RADX: variants seen among roughly 807,000 people sequenced by gnomAD.
RADX encodes RPA1 related single stranded DNA binding protein, X-linked.
Under a neutral mutation model 61.6 loss-of-function variants are expected in RADX, and 36 were observed. The ratio of observed to expected loss-of-function variants is 0.58; its 90% CI spans 0.45 to 0.77. RADX has a LOEUF of 0.77. RADX is among the 30% of genes least tolerant of loss of function. RADX has a pLI of 0.00. For synonymous variants in RADX, 272 were observed against 237.9 expected, an observed-to-expected ratio of 1.14 and a Z score of -1.32; for missense variants, 497 against 651.1, an observed-to-expected ratio of 0.76 and a Z score of 2.58.
intron 1 of RADX, among the ~76,000 whole-genome samples, chrX:106,617,009 T>G (rs1486880305): frequency 1.9e-5 from 2 of 104,773 alleles, no homozygotes; most frequent in African/African-American, 7.1e-5. Flanking sequence ...TTGTTTTTTT[T>G]GTGTGTGTGG....
At chrX:106,639,872 G>A (rs1341261625) in intron 9 of RADX, 185 bp downstream of exon 9, 11 of 272,347 alleles carry the variant, frequency 4.0e-5, no homozygotes, top group Non-Finnish European at 5.8e-5. Context: ...GGCAAAAACC[G>A]CAATTCCTTT....
chrX:106,616,208 C>T (rs1229919492), intron 1 of RADX, among the ~76,000 whole-genome samples: 1 of 111,281 alleles, frequency 9.0e-6, no homozygotes, highest in Non-Finnish European at 1.9e-5. Context: ...ACTCATTTCA[C>T]CTAGATCTCA....
intron 13 of RADX, among the ~76,000 whole-genome samples, chrX:106,669,918 G>A (rs1006669000): frequency 2.7e-5 from 3 of 111,594 alleles, no homozygotes; most frequent in Non-Finnish European, 5.7e-5. Flanking sequence ...CCCCATTCAC[G>A]TTTTTCTGTT....
At chrX:106,619,508 G>C (rs1399066230) in intron 1 of RADX, among the ~76,000 whole-genome samples, 1 of 111,754 alleles carries the variant, frequency 8.9e-6, no homozygotes, top group African/African-American at 3.2e-5. Flanking sequence ...TATAGCTCAG[G>C]GAAAGAGCTG....
chrX:106,626,252 C>T (rs1927072313), intron 3 of RADX, among the ~76,000 whole-genome samples: 1 of 111,935 alleles, frequency 8.9e-6, no homozygotes, highest in Non-Finnish European at 1.9e-5. Flanking sequence ...AATTCCCCAG[C>T]TAATCCATTA....
intron 6 of RADX, among the ~76,000 whole-genome samples, chrX:106,636,125 C>T (rs1351137575): frequency 9.0e-6 from 1 of 111,692 alleles, no homozygotes; most frequent in African/African-American, 3.2e-5. Flanking sequence ...GTGGAAGTAT[C>T]ATGGAGAAAC....
chrX:106,663,706 A>C (rs1928160396), intron 12 of RADX, among the ~76,000 whole-genome samples: 1 of 111,839 alleles, frequency 8.9e-6, no homozygotes, highest in African/African-American at 3.2e-5. Flanking sequence ...TACATATTGC[A>C]TGCCTATATC....
intron 12 of RADX, among the ~76,000 whole-genome samples, chrX:106,664,472 T>C (rs1046354086): frequency 8.9e-6 from 1 of 112,002 alleles, no homozygotes; most frequent in Non-Finnish European, 1.9e-5. Context: ...TGTAGTTTTT[T>C]TAAAAAGTTA....
intron 11 of RADX, among the ~76,000 whole-genome samples, chrX:106,660,933 A>G (rs914527592): frequency 9.0e-6 from 1 of 111,713 alleles, no homozygotes; most frequent in Admixed American, 9.5e-5. Context: ...GAAACCTACA[A>G]TCATGCCAGG....
Position 106,662,056 on chromosome X carries a change from A to G in RADX, c.2020A>G (p.Lys674Glu). 1 of 1,210,994 alleles carries G rather than the reference A, an allele frequency of 8.3e-7. No homozygotes were observed. The highest frequency in any genetic ancestry group is 1.1e-6 in the Non-Finnish European group (1 of 895,031). The change falls in exon 12 of 14, where the codon AAA (lysine) becomes GAA (glutamate). Residue 674 changes from lysine (K) to glutamate (E), a missense_variant. Coordinates refer to ENST00000372548, the MANE Select transcript of RADX (RefSeq NM_018015.6). ...INANLQGKAR[K>E]TISDRWESQL... ...TGCTAATCTGCAAGGGAAAGCCAGA[A>G]AAACTATAAGTGATAGGTGGGAGAG...
chrX:106,662,385 C>A, intron 12 of RADX, 80 bp downstream of exon 12: 1 of 930,204 alleles, frequency 1.1e-6, no homozygotes, highest in Non-Finnish European at 1.5e-6. Flanking sequence ...AAAATTTAAG[C>A]CCCTCCCACA....
intron 1 of RADX, among the ~76,000 whole-genome samples, chrX:106,619,623 A>G (rs1926895119): frequency 9.0e-6 from 1 of 111,558 alleles, no homozygotes; most frequent in Admixed American, 9.5e-5. Flanking sequence ...ACGGTTAAGG[A>G]CCTAGTTTGG....
intron 1 of RADX, among the ~76,000 whole-genome samples, chrX:106,616,746 T>TA (rs1182834653): frequency 7.2e-5 from 8 of 111,192 alleles, no homozygotes; most frequent in Non-Finnish European, 1.1e-4. Context: ...TCAAATCCAT[T>TA]AAAAAAATGA....
At chrX:106,619,685 T>C (rs1389347429) in intron 1 of RADX, among the ~76,000 whole-genome samples, 1 of 112,013 alleles carries the variant, frequency 8.9e-6, no homozygotes, top group East Asian at 2.8e-4. Flanking sequence ...TTCTAAGAAA[T>C]TATCTATTTC....
At position 106,622,300 on chromosome X, in the gene RADX, GT is replaced by G. The variant is rs1205076517; in HGVS notation, c.644-341del. On this transcript the variant is annotated intron_variant, in intron 1 of 13. Coordinates refer to ENST00000372548, the MANE Select transcript of RADX (RefSeq NM_018015.6). Reference sequence around the variant, plus strand: ...GGGAAAAATATTCCATGACATTGAGGTTTTTTTTTTCACAAAATATCTTAAG... The same window carrying G: ...GGGAAAAATATTCCATGACATTGAGGTTTTTTTTTCACAAAATATCTTAAG... Among the ~76,000 whole-genome samples the G allele has an allele frequency of 6.0e-3, 633 of 105,690 alleles. 4 individuals are homozygous for G. Among genetic ancestry groups the G allele is most frequent in the African/African-American group, 0.021 (596 of 29,060 alleles). The allele number at this position is 105,690 out of a possible 115,157, so 91.8% of individuals were successfully genotyped here. A position where few individuals can be genotyped will look rare whatever the true frequency, so the allele number is the denominator to read the frequency against.
At chrX:106,613,396 G>A (rs1404605559) in intron 1 of RADX, among the ~76,000 whole-genome samples, 3 of 111,585 alleles carry the variant, frequency 2.7e-5, no homozygotes, top group Non-Finnish European at 5.6e-5. Flanking sequence ...GAAAACACTA[G>A]CTTGCCATCA....
chrX:106,632,701 A>G lies in RADX; in HGVS notation c.1056A>G (p.Arg352=). The change falls in exon 4 of 14, where the codon AGA becomes AGG. Residue 352 remains arginine, a synonymous_variant. Coordinates refer to ENST00000372548, the MANE Select transcript of RADX (RefSeq NM_018015.6). ...AAAAGCAGGTGAAACCAGAATGGAG[A>G]CTGCCAAAGCTAAATCACCGATTTA... ...IPEKQVKPEW[R]LPKLNHRFTT... 8.4e-7 allele frequency: 1 copy of G among 1,189,211 alleles called. No individual in the cohort carries two copies. The highest frequency in any genetic ancestry group is 1.1e-6 in the Non-Finnish European group (1 of 877,071).
At chrX:106,674,780 C>T (rs953206308) in intron 13 of RADX, among the ~76,000 whole-genome samples, 61 of 111,807 alleles carry the variant, frequency 5.5e-4, no homozygotes, top group African/African-American at 2.0e-3. Context: ...ACTCCCAGCA[C>T]TTTGGGAGGC....
intron 1 of RADX, among the ~76,000 whole-genome samples, chrX:106,621,687 G>T: frequency 9.0e-6 from 1 of 111,225 alleles, no homozygotes; most frequent in East Asian, 2.8e-4. Flanking sequence ...TGGAATGGAG[G>T]ATAAGTAAAG....
Sources: allele counts gnomAD v4.1 joint callset (sites outside exome capture counted in the v4.1 genomes callset), GRCh38; gene constraint gnomAD v4.1.1; transcripts MANE v1.5; gene names NCBI Gene and HGNC (gene_info 2026-07-23, HGNC 2026-07-21).